The following NEDD4L variants were observed in gnomAD, a reference collection of about 807,000 sequenced individuals.
NEDD4L encodes the protein NEDD4 like E3 ubiquitin protein ligase.
A neutral mutation model predicts 148.9 loss-of-function variants in NEDD4L; 54 were observed. That is an observed-to-expected ratio of 0.36 (90% confidence interval 0.29 to 0.45). The LOEUF (loss-of-function observed/expected upper bound fraction) is 0.45, where lower values mean the gene tolerates loss of function less well. NEDD4L is among the 20% of genes least tolerant of loss of function. NEDD4L has a pLI of 1.00. For missense variants in NEDD4L, 856 were observed against 1,233.8 expected (o/e 0.69, Z 4.59); for synonymous variants, 433 against 440.7 (o/e 0.98, Z 0.22).
chr18:58,288,885 T>A (rs2054296800), intron 5 of NEDD4L, among the ~76,000 whole-genome samples: 1 of 152,220 alleles, frequency 6.6e-6, no homozygotes, highest in East Asian at 1.9e-4. Flanking sequence ...CGTCATCCCA[T>A]GTTCTCAGTA....
chr18:58,159,792 C>T (rs2035968202), intron 1 of NEDD4L, among the ~76,000 whole-genome samples: 1 of 152,178 alleles, frequency 6.6e-6, no homozygotes, highest in Admixed American at 6.5e-5. Flanking sequence ...TACCCTAAGC[C>T]TGCAAATGTG....
At chr18:58,083,458 C>T (rs1428446626) in intron 1 of NEDD4L, among the ~76,000 whole-genome samples, 2 of 152,224 alleles carry the variant, frequency 1.3e-5, no homozygotes, top group South Asian at 2.1e-4. Context: ...GAGTCTGAAG[C>T]GGGTGGATCA....
chr18:58,353,081 G>A (rs973490525), intron 18 of NEDD4L, among the ~76,000 whole-genome samples: 1 of 152,196 alleles, frequency 6.6e-6, no homozygotes, highest in Non-Finnish European at 1.5e-5. Context: ...TGTTGTGCTT[G>A]ATCAGAAAGT....
intron 5 of NEDD4L, among the ~76,000 whole-genome samples, chr18:58,268,727 T>C (rs145839295): frequency 3.9e-5 from 6 of 152,174 alleles, no homozygotes; most frequent in Non-Finnish European, 8.8e-5. Flanking sequence ...AAGAAAGAAA[T>C]AGACATCATG....
intron 18 of NEDD4L, among the ~76,000 whole-genome samples, chr18:58,354,294 A>G (rs140165997): frequency 6.8e-4 from 103 of 152,320 alleles, no homozygotes; most frequent in African/African-American, 2.2e-3. Context: ...GTGATTTTGT[A>G]AAGTCCTATT....
chr18:58,309,207 C>T (rs1453038901), intron 5 of NEDD4L, among the ~76,000 whole-genome samples: 2 of 152,198 alleles, frequency 1.3e-5, no homozygotes, highest in African/African-American at 2.4e-5. Context: ...CGGGGCCACG[C>T]CTCATCAGTG....
intron 21 of NEDD4L, among the ~76,000 whole-genome samples, chr18:58,367,508 C>T (rs2046280748): frequency 6.6e-6 from 1 of 152,174 alleles, no homozygotes; most frequent in Non-Finnish European, 1.5e-5. Flanking sequence ...AGGTCAAAAA[C>T]AGTCAAACAT....
At chr18:58,093,089 A>C (rs2084180193) in intron 1 of NEDD4L, among the ~76,000 whole-genome samples, 1 of 152,118 alleles carries the variant, frequency 6.6e-6, no homozygotes, top group South Asian at 2.1e-4. Flanking sequence ...TTTCAGCAGT[A>C]TGTGGACAGA....
At chr18:58,146,470 G>A (rs1389178946) in intron 1 of NEDD4L, among the ~76,000 whole-genome samples, 4 of 152,100 alleles carry the variant, frequency 2.6e-5, no homozygotes, top group African/African-American at 9.7e-5. Flanking sequence ...AAGAGGGGAT[G>A]GTTACTAGGG....
chr18:58,119,008 T>C (rs1403621417), intron 1 of NEDD4L, among the ~76,000 whole-genome samples: 1 of 152,236 alleles, frequency 6.6e-6, no homozygotes, highest in Non-Finnish European at 1.5e-5. Flanking sequence ...CCAAAGGCTC[T>C]TGATAGCCCT....
intron 5 of NEDD4L, among the ~76,000 whole-genome samples, chr18:58,308,845 T>C (rs891127798): frequency 1.9e-4 from 29 of 152,308 alleles, no homozygotes; most frequent in Admixed American, 1.4e-3. Flanking sequence ...ACTGAGGCCT[T>C]AGTGGGCATT....
chr18:58,165,875 G>A lies in NEDD4L; in HGVS notation c.122+14G>A. The A allele has an allele frequency of 6.3e-7, 1 of 1,593,174 alleles. No individual in the cohort carries two copies. Among genetic ancestry groups the A allele is most frequent in the South Asian group, 1.1e-5 (1 of 87,968 alleles). ...CTTTGGAGCCAGGTATGTTGGCTTT[G>A]TTTTTATTTCTGTGGACTTCTGAAA... On this transcript the variant is annotated intron_variant, in intron 2 of 30. Coordinates refer to ENST00000400345, the MANE Select transcript of NEDD4L (RefSeq NM_001144967.3).
chr18:58,225,144 G>A (rs2044214123), intron 2 of NEDD4L, among the ~76,000 whole-genome samples: 2 of 152,112 alleles, frequency 1.3e-5, no homozygotes, highest in Admixed American at 1.3e-4. Context: ...GTATTGGGGG[G>A]GAAGAGAATG....
intron 1 of NEDD4L, among the ~76,000 whole-genome samples, chr18:58,152,875 C>A (rs1599146351): frequency 6.6e-6 from 1 of 152,206 alleles, no homozygotes; most frequent in African/African-American, 2.4e-5. Context: ...TGCAGAGAAC[C>A]TGGTACCTGC....
intron 6 of NEDD4L, among the ~76,000 whole-genome samples, chr18:58,320,472 T>C (rs894650507): frequency 6.6e-5 from 10 of 152,232 alleles, no homozygotes; most frequent in African/African-American, 2.4e-4. Flanking sequence ...TAAGGACTGC[T>C]ATACCATGTT....
intron 1 of NEDD4L, chr18:58,044,970 T>C: frequency 2.2e-6 from 1 of 448,568 alleles, no homozygotes; most frequent in Non-Finnish European, 4.0e-6. Context: ...CTCCTCGCTT[T>C]CGGGAGGAGA....
At chr18:58,117,722 C>A (rs2085942505) in intron 1 of NEDD4L, among the ~76,000 whole-genome samples, 1 of 152,150 alleles carries the variant, frequency 6.6e-6, no homozygotes, top group Non-Finnish European at 1.5e-5. Flanking sequence ...GGTTTCTGGG[C>A]CTCTCTGGAG....
intron 11 of NEDD4L, among the ~76,000 whole-genome samples, chr18:58,332,467 G>A (rs913126949): frequency 6.6e-6 from 1 of 152,138 alleles, no homozygotes; most frequent in African/African-American, 2.4e-5. Flanking sequence ...GGCCAACATG[G>A]TGAAACCCCG....
At chr18:58,093,724 G>T (rs1032794995) in intron 1 of NEDD4L, among the ~76,000 whole-genome samples, 1 of 152,158 alleles carries the variant, frequency 6.6e-6, no homozygotes, top group Non-Finnish European at 1.5e-5. Flanking sequence ...CACAATTTAC[G>T]CCAGAGGAGG....
Sources: allele counts gnomAD v4.1 joint callset (sites outside exome capture counted in the v4.1 genomes callset), GRCh38; gene constraint gnomAD v4.1.1; transcripts MANE v1.5; gene names NCBI Gene and HGNC (gene_info 2026-07-23, HGNC 2026-07-21).